The following TMEM163 variants were observed in gnomAD, a reference collection of about 807,000 sequenced individuals.
TMEM163 encodes transmembrane protein 163.
TMEM163 carries 17 observed loss-of-function variants against 29.3 expected under a neutral mutation model. That is an observed-to-expected ratio of 0.58 (90% CI 0.40 to 0.87). The LOEUF is 0.87. Among genes scored for constraint, TMEM163 ranks in the 40% least tolerant of loss-of-function variants. TMEM163 has a pLI of 0.00. For synonymous variants in TMEM163, 157 were observed against 160.6 expected (o/e 0.98, Z 0.17); for missense variants, 303 against 381.5 (o/e 0.79, Z 1.71).
intron 2 of TMEM163, among the ~76,000 whole-genome samples, chr2:134,581,222 T>C (rs1426498717): frequency 6.6e-6 from 1 of 152,198 alleles, no homozygotes; most frequent in Non-Finnish European, 1.5e-5. Flanking sequence ...CTTCCTTTTT[T>C]TTCTTTTTTA....
chr2:134,491,524 G>T (rs1269045678), intron 5 of TMEM163, among the ~76,000 whole-genome samples: 1 of 152,044 alleles, frequency 6.6e-6, no homozygotes, highest in Non-Finnish European at 1.5e-5. Context: ...CAAATTCTAT[G>T]GTACTTCAGG....
intron 4 of TMEM163, among the ~76,000 whole-genome samples, chr2:134,539,585 TATAAA>T (rs1680618532): frequency 6.6e-6 from 1 of 152,194 alleles, no homozygotes; most frequent in Non-Finnish European, 1.5e-5. Flanking sequence ...ATATGTATCT[TATAAA>T]ATATTTTTCC....
Position 134,713,287 on chromosome 2 carries a change from G to C in TMEM163, c.235C>G (p.His79Asp), listed in dbSNP as rs765985286. ...LLESSTRLKP[H>D]EAQNYRKKAL... ...TTCTTCCTGTAGTTCTGGGCTTCGT[G>C]AGGTTTCAGGCGGGTGCTGCTTTCT... Residue 79 changes from histidine (H) to aspartate (D), a missense_variant, in exon 2 of 8, where the codon CAC (histidine) becomes GAC (aspartate). This residue lies in a region of TMEM163 where 203 missense variants were observed against 294.3 expected (regional missense o/e 0.69). Coordinates refer to ENST00000281924, the MANE Select transcript of TMEM163 (RefSeq NM_030923.5). 8.1e-6 allele frequency: 13 copies of C among 1,614,108 alleles called. No homozygotes were observed. Among genetic ancestry groups the C allele is most frequent in the Non-Finnish European group, 1.0e-5 (12 of 1,180,008 alleles).
intron 2 of TMEM163, among the ~76,000 whole-genome samples, chr2:134,617,398 G>A (rs1326174665): frequency 6.6e-6 from 1 of 152,018 alleles, no homozygotes; most frequent in African/African-American, 2.4e-5. Context: ...ATTACCTGAG[G>A]TCAGGAATTT....
intron 2 of TMEM163, among the ~76,000 whole-genome samples, chr2:134,648,717 T>C (rs144297775): frequency 3.3e-5 from 5 of 152,346 alleles, no homozygotes; most frequent in Non-Finnish European, 7.3e-5. Context: ...TCAATCTGTG[T>C]AAGTGTTGTT....
At chr2:134,465,926 C>A (rs2289471) in intron 6 of TMEM163, among the ~76,000 whole-genome samples, 188 bp downstream of exon 6, 15,661 of 152,170 alleles carry the variant, frequency 0.1, 1,196 homozygotes, top group East Asian at 0.22. Context: ...ATTCCCAGGG[C>A]ACAGGATATC....
At chr2:134,511,407 G>A (rs1466443373) in intron 4 of TMEM163, among the ~76,000 whole-genome samples, 2 of 152,194 alleles carry the variant, frequency 1.3e-5, no homozygotes, top group African/African-American at 4.8e-5. Flanking sequence ...TTTCCACTAA[G>A]GATGGCAGGG....
rs1174037089 is a variant in TMEM163, at chr2:134,456,759, A to G, written c.827T>C (p.Val276Ala). The change falls in exon 8 of 8, where the codon GTG becomes GCG. Residue 276 changes from valine to alanine, a missense_variant. Val to Ala is a moderately conservative substitution (Grantham distance 64, BLOSUM62 0). This residue lies in a region of TMEM163 where 203 missense variants were observed against 294.3 expected (regional missense o/e 0.69). Transcript: ENST00000281924. The part of the protein sequence containing the change: ...AYGVKLLIDM[V>A]PRVRQTRHYE... ...GTGACGTGTCTGCCTCACCCTCGGC[A>G]CCATGTCGATGAGGAGTCTGCAAAG... The G allele has an allele frequency of 6.2e-7, 1 of 1,613,864 alleles. No individual in the cohort carries two copies. The highest frequency in any genetic ancestry group is 2.2e-5 in the East Asian group (1 of 44,884).
In TMEM163 at chr2:134,525,955, G is replaced by A. The variant is rs144716754; in HGVS notation, c.459-22958C>T. On this transcript the variant is annotated intron_variant, in intron 4 of 7. Coordinates refer to ENST00000281924, the MANE Select transcript of TMEM163 (RefSeq NM_030923.5). ...AAATAAGAAGGCAGGGATGCTGCGG[G>A]CATTCACACAACAAATTTGTTCATC... 2.6e-3 allele frequency among the ~76,000 whole-genome samples: 393 copies of A among 152,352 alleles called. 2 individuals carry two copies. The highest frequency in any genetic ancestry group is 8.9e-3 in the African/African-American group (372 of 41,590).
chr2:134,709,388 T>C (rs1010707053), intron 2 of TMEM163, among the ~76,000 whole-genome samples: 2 of 152,168 alleles, frequency 1.3e-5, no homozygotes, highest in Non-Finnish European at 2.9e-5. Context: ...ATAGTTCACA[T>C]CCCTTTCAAA....
intron 2 of TMEM163, among the ~76,000 whole-genome samples, chr2:134,587,399 G>C (rs1312323458): frequency 2.6e-5 from 4 of 152,004 alleles, no homozygotes; most frequent in African/African-American, 7.3e-5. Flanking sequence ...TGACAGAGCG[G>C]GACTCTGTCA....
chr2:134,628,206 G>A (rs1682893996), intron 2 of TMEM163, among the ~76,000 whole-genome samples: 1 of 152,166 alleles, frequency 6.6e-6, no homozygotes, highest in Admixed American at 6.5e-5. Context: ...AAGTTCACAA[G>A]ACAAAATGTA....
At chr2:134,651,604 C>T (rs1683480608) in intron 2 of TMEM163, among the ~76,000 whole-genome samples, 1 of 122,820 alleles carries the variant, frequency 8.1e-6, no homozygotes, top group Non-Finnish European at 1.6e-5. Context: ...GTGTTTTGGA[C>T]ATGAAGTCCT....
chr2:134,569,951 T>C (rs1357022296), intron 2 of TMEM163, among the ~76,000 whole-genome samples: 3 of 152,170 alleles, frequency 2.0e-5, no homozygotes, highest in African/African-American at 7.2e-5. Context: ...ATCCACACCA[T>C]AGACACTCCC....
chr2:134,570,149 T>C (rs961384251), intron 2 of TMEM163, among the ~76,000 whole-genome samples: 3 of 151,962 alleles, frequency 2.0e-5, no homozygotes, highest in African/African-American at 7.3e-5. Flanking sequence ...GTGAAAGTTG[T>C]TAATAAGGAA....
chr2:134,504,046 A>C (rs1679762025), intron 4 of TMEM163, among the ~76,000 whole-genome samples: 1 of 152,194 alleles, frequency 6.6e-6, no homozygotes, highest in Admixed American at 6.5e-5. Context: ...CCTCCTGAGC[A>C]ATCTTGCTCC....
chr2:134,620,371 C>T (rs1220765927), intron 2 of TMEM163, among the ~76,000 whole-genome samples: 1 of 152,038 alleles, frequency 6.6e-6, no homozygotes, highest in African/African-American at 2.4e-5. Context: ...CTTCTCCTGC[C>T]TCAGCCTCCC....
At chr2:134,540,834 A>G (rs1680647972) in intron 4 of TMEM163, among the ~76,000 whole-genome samples, 1 of 152,226 alleles carries the variant, frequency 6.6e-6, no homozygotes, top group Non-Finnish European at 1.5e-5. Flanking sequence ...CAAACCTTAC[A>G]TAAAATGAAG....
intron 6 of TMEM163, 32 bp downstream of exon 6, chr2:134,466,082 C>T (rs1180520128): frequency 2.0e-6 from 3 of 1,513,358 alleles, no homozygotes; most frequent in East Asian, 4.5e-5. Flanking sequence ...TGAGCCCAGC[C>T]CCCAGAGATT....
Sources: allele counts gnomAD v4.1 joint callset (sites outside exome capture counted in the v4.1 genomes callset), GRCh38; gene constraint gnomAD v4.1.1; regional missense constraint gnomAD v4.1.1; transcripts MANE v1.5; gene names NCBI Gene and HGNC (gene_info 2026-07-23, HGNC 2026-07-21).